Variants in EDEM1 observed in about 807,000 individuals in gnomAD.
The protein encoded by EDEM1 is ER degradation-enhancing alpha-mannosidase-like protein 1.
EDEM1 carries 67 observed loss-of-function variants against 74.4 expected under a neutral mutation model. The observed-to-expected ratio is 0.90, with a 90% CI of 0.74 to 1.10. EDEM1 has a LOEUF of 1.10. Among genes scored for constraint, EDEM1 ranks in the 50% least tolerant of loss-of-function variants. EDEM1 has a pLI of 0.00. For missense variants in EDEM1, 926 were observed against 851.6 expected, an observed-to-expected ratio of 1.09 and a Z score of -1.09; for synonymous variants, 382 against 335.9, an observed-to-expected ratio of 1.14 and a Z score of -1.50.
chr3:5,207,583 T>G (rs970637361), intron 7 of EDEM1, among the ~76,000 whole-genome samples: 2 of 152,226 alleles, frequency 1.3e-5, no homozygotes, highest in African/African-American at 4.8e-5. Flanking sequence ...CTTGGCTCAC[T>G]GCAACCTCCG....
rs1402699546 is a variant in EDEM1 at position 5,216,987 on chromosome 3, A to G, written c.*1069A>G. 1.3e-5 allele frequency: 2 copies of G among 152,658 alleles called. No homozygotes were observed. Among genetic ancestry groups the G allele is most frequent in the Non-Finnish European group, 2.9e-5 (2 of 68,048 alleles). The allele number at this position is 152,658 out of a possible 1,614,324, so 9.5% of individuals were successfully genotyped here. A position where few individuals can be genotyped will look rare whatever the true frequency, so the allele number is the denominator to read the frequency against. The stretch of plus-strand genomic sequence containing the variant: ...AAGAAATGATCACATGACTTTTAGC[A>G]TCCTTGAGCCATTTCTCTGTGTAAT... On this transcript the variant is annotated 3_prime_UTR_variant, in exon 12 of 12. Transcript: ENST00000256497.
chr3:5,192,115 G>C (rs184002356), intron 1 of EDEM1, among the ~76,000 whole-genome samples: 304 of 152,328 alleles, frequency 2.0e-3, no homozygotes, highest in Admixed American at 3.4e-3. Flanking sequence ...TTGTTTCCGT[G>C]ACACCATCTA....
chr3:5,208,398 C>T (rs2055125878), intron 8 of EDEM1, 135 bp downstream of exon 8: 15 of 1,052,670 alleles, frequency 1.4e-5, no homozygotes, highest in Middle Eastern at 2.6e-4. Context: ...ACCCCCTATC[C>T]GTAGTCTTGT....
intron 9 of EDEM1, among the ~76,000 whole-genome samples, chr3:5,210,710 G>A (rs955510511): frequency 1.3e-5 from 2 of 150,090 alleles, no homozygotes; most frequent in African/African-American, 2.5e-5. Context: ...TTTACCTGCT[G>A]TAAGTTTTTT....
At chr3:5,207,407 C>T (rs1382135319) in intron 7 of EDEM1, 134 bp downstream of exon 7, 3 of 1,256,088 alleles carry the variant, frequency 2.4e-6, no homozygotes, top group African/African-American at 3.0e-5. Context: ...TATACGTCTT[C>T]ATCTCTCTGT....
chr3:5,195,154 T>G, intron 1 of EDEM1, 55 bp from the exon 2 acceptor site: 1 of 1,092,160 alleles, frequency 9.2e-7, no homozygotes, highest in Middle Eastern at 3.1e-4. Context: ...TTTACTTTTA[T>G]TGTCTTCTCT....
chr3:5,187,860 G>A lies in EDEM1; in HGVS notation c.55G>A (p.Gly19Arg), dbSNP rs970666586. ...GLVLLRLGLH[G>R]VLWLVFGLGP... is the part of the protein sequence containing the mutation. ...GGTGCTCCTCCGGCTTGGCCTCCAT[G>A]GAGTATTGTGGCTCGTCTTCGGGCT... The change falls in exon 1 of 12, where the codon GGA becomes AGA. Residue 19 changes from glycine to arginine, a missense_variant. Coordinates refer to ENST00000256497, the MANE Select transcript of EDEM1 (RefSeq NM_014674.3). 5 of 1,597,614 alleles carry A rather than the reference G, an allele frequency of 3.1e-6. No individual in the cohort carries two copies. In the Admixed American group the frequency reaches 5.2e-5, roughly 16 times the overall value.
chr3:5,216,827 A>G lies in EDEM1; in HGVS notation c.*909A>G, dbSNP rs1358802347. 3 of 152,636 alleles carry G rather than the reference A, an allele frequency of 2.0e-5. No homozygotes were observed. The highest frequency in any genetic ancestry group is 7.2e-5 in the African/African-American group (3 of 41,448). 9.5% of individuals were successfully genotyped at this position (152,636 alleles called of 1,614,324 possible). ...TCAGGTGCCTTTTAGGGAGAGAACA[A>G]TACCTAAGATTGTCTGAGCTTCCAT... On this transcript the variant is annotated 3_prime_UTR_variant, in exon 12 of 12. Coordinates refer to ENST00000256497, the MANE Select transcript of EDEM1 (RefSeq NM_014674.3).
intron 1 of EDEM1, among the ~76,000 whole-genome samples, chr3:5,193,442 G>A (rs193233736): frequency 6.6e-6 from 1 of 152,104 alleles, no homozygotes; most frequent in African/African-American, 2.4e-5. Flanking sequence ...TTTTGCTATT[G>A]TATAAGTTTA....
rs1356313018 is a variant in EDEM1 at position 5,205,052 on chromosome 3, T to G, written c.1043-15T>G. The stretch of plus-strand genomic sequence containing the variant: ...GAGACAGCTGGGACCTCAAGTGCCT[T>G]GTTTATTTTTGCAGGCAATGTCGTG... On this transcript the variant is annotated splice_polypyrimidine_tract_variant and intron_variant, in intron 5 of 11. Transcript: ENST00000256497. The G allele has an allele frequency of 1.2e-6, 2 of 1,612,626 alleles. No homozygotes were observed. The highest frequency in any genetic ancestry group is 1.1e-5 in the South Asian group (1 of 90,992).
At chr3:5,214,912 G>A (rs1218207696) in intron 11 of EDEM1, among the ~76,000 whole-genome samples, 2 of 152,198 alleles carry the variant, frequency 1.3e-5, no homozygotes, top group Non-Finnish European at 2.9e-5. Flanking sequence ...TTTGTCTGTA[G>A]TGCTGTTGAA....
chr3:5,204,348 TA>T (rs1181530781), intron 5 of EDEM1, among the ~76,000 whole-genome samples: 1 of 151,728 alleles, frequency 6.6e-6, no homozygotes, highest in African/African-American at 2.4e-5. Flanking sequence ...TTTTTATTAT[TA>T]AAAAAAATTA....
chr3:5,189,395 T>G (rs1483851474), intron 1 of EDEM1: 1 of 152,228 alleles, frequency 6.6e-6, no homozygotes, highest in East Asian at 1.9e-4. Flanking sequence ...ATTTATGTTT[T>G]AAATTGCAGT....
intron 7 of EDEM1, 107 bp downstream of exon 7, chr3:5,207,380 T>C (rs926269583): frequency 1.3e-6 from 2 of 1,498,128 alleles, no homozygotes; most frequent in African/African-American, 2.8e-5. Flanking sequence ...CCTTTGGATT[T>C]GGGAGGTCAC....
At chr3:5,214,926 C>G (rs547276808) in intron 11 of EDEM1, among the ~76,000 whole-genome samples, 2 of 152,276 alleles carry the variant, frequency 1.3e-5, no homozygotes, top group South Asian at 2.1e-4. Context: ...TGTTGAAACA[C>G]AGAGGGTAGG....
At chr3:5,202,785 CT>C (rs1468098981) in intron 4 of EDEM1, among the ~76,000 whole-genome samples, 180 bp from the exon 5 acceptor site, 1 of 152,148 alleles carries the variant, frequency 6.6e-6, no homozygotes, top group Non-Finnish European at 1.5e-5. Context: ...TTCTTATTGT[CT>C]TGTTTGTGTC....
intron 10 of EDEM1, 117 bp from the exon 11 acceptor site, chr3:5,213,202 C>T (rs1376341269): frequency 9.9e-7 from 1 of 1,009,662 alleles, no homozygotes; most frequent in African/African-American, 1.6e-5. Context: ...CCAGTTGTCA[C>T]TGAGAAGCAT....
chr3:5,188,105 GGGCTACGT>G lies in EDEM1; in HGVS notation c.302_309del (p.Gly101AlafsTer74). On this transcript the variant is annotated frameshift_variant, in exon 1 of 12. Transcript: ENST00000256497. LOFTEE classifies it high-confidence loss of function. ...CGGGGATGTGCGGCCCAGCCAACTG[GGGCTACGT>G]GCTGGGCGGCCGGGGCCGCGGCCCG... 1 of 1,515,376 alleles carries G rather than the reference GGGCTACGT, an allele frequency of 6.6e-7. No individual in the cohort carries two copies. Among genetic ancestry groups the G allele is most frequent in the Non-Finnish European group, 8.8e-7 (1 of 1,130,980 alleles). 93.9% of individuals were successfully genotyped at this position (1,515,376 alleles called of 1,614,324 possible). A position where few individuals can be genotyped will look rare whatever the true frequency, so the allele number is the denominator to read the frequency against.
Position 5,218,001 on chromosome 3 carries a change from C to G in EDEM1, c.*2083C>G, listed in dbSNP as rs1373794175. The G allele has an allele frequency of 2.0e-5, 3 of 152,370 alleles. No homozygotes were observed. Among genetic ancestry groups the G allele is most frequent in the South Asian group, 4.1e-4 (2 of 4,830 alleles). The allele number at this position is 152,370 out of a possible 1,614,324, so 9.4% of individuals were successfully genotyped here. A position where few individuals can be genotyped will look rare whatever the true frequency, so the allele number is the denominator to read the frequency against. ...AGTGGTGGGTAAGCACTCCAGTGTT[C>G]TCTTAATGAGGCACTTTGCCTGTCA... On this transcript the variant is annotated 3_prime_UTR_variant, in exon 12 of 12. Transcript: ENST00000256497.
Sources: gnomAD v4.1 joint callset for allele counts (sites outside exome capture counted in the v4.1 genomes callset) on GRCh38, gnomAD v4.1.1 for gene constraint, MANE v1.5 for transcripts, NCBI Gene and HGNC (gene_info 2026-07-23, HGNC 2026-07-21) for gene names.